The following GABRG3 variants were observed in gnomAD, a reference collection of about 807,000 sequenced individuals.
GABRG3 encodes gamma-aminobutyric acid type A receptor subunit gamma3.
GABRG3 carries 25 observed loss-of-function variants against 48.8 expected under a neutral mutation model. The ratio of observed to expected loss-of-function variants is 0.51; its 90% CI spans 0.37 to 0.72. The LOEUF (loss-of-function observed/expected upper bound fraction) is 0.72. Among genes scored for constraint, GABRG3 ranks in the 30% least tolerant of loss-of-function variants. The pLI is 0.00. For synonymous variants in GABRG3, 227 were observed against 217.6 expected (o/e 1.04, Z -0.38); for missense variants, 394 against 577.9 (o/e 0.68, Z 3.26).
At chr15:27,366,274 G>C (rs989933096) in intron 5 of GABRG3, 4 of 152,262 alleles carry the variant, frequency 2.6e-5, no homozygotes, top group Non-Finnish European at 5.9e-5. Context: ...CATGCAGCCA[G>C]CTGGGCTCCA....
intron 5 of GABRG3, among the ~76,000 whole-genome samples, chr15:27,355,779 T>C (rs984307474): frequency 6.6e-6 from 1 of 152,222 alleles, no homozygotes; most frequent in Admixed American, 6.5e-5. Context: ...CAATGAATAT[T>C]CTTCAGCCTT....
chr15:27,260,298 C>T (rs542494537), intron 3 of GABRG3, among the ~76,000 whole-genome samples: 8 of 152,160 alleles, frequency 5.3e-5, no homozygotes, highest in South Asian at 2.1e-4. Context: ...TCTATTTTTT[C>T]GAATGAGGAC....
intron 5 of GABRG3, among the ~76,000 whole-genome samples, chr15:27,438,523 C>T (rs1455043430): frequency 1.3e-5 from 2 of 152,196 alleles, no homozygotes; most frequent in Admixed American, 6.5e-5. Context: ...ACAGTCACCC[C>T]ACATCTCTGC....
At chr15:27,266,671 T>C (rs1488000603) in intron 3 of GABRG3, among the ~76,000 whole-genome samples, 1 of 152,228 alleles carries the variant, frequency 6.6e-6, no homozygotes, top group Non-Finnish European at 1.5e-5. Flanking sequence ...CACAGTCTAT[T>C]CCTCCATTTA....
chr15:27,053,572 T>C (rs1031980119), intron 3 of GABRG3, among the ~76,000 whole-genome samples: 1 of 152,184 alleles, frequency 6.6e-6, no homozygotes, highest in African/African-American at 2.4e-5. Context: ...GGAGAGCATT[T>C]TGGAGATTTC....
At chr15:27,005,093 G>C (rs1224476368) in intron 2 of GABRG3, among the ~76,000 whole-genome samples, 1 of 152,154 alleles carries the variant, frequency 6.6e-6, no homozygotes, top group Admixed American at 6.5e-5. Flanking sequence ...TGGGGGTACA[G>C]GTGGTATAAC....
chr15:27,109,445 A>T (rs1897506491), intron 3 of GABRG3, among the ~76,000 whole-genome samples: 1 of 152,158 alleles, frequency 6.6e-6, no homozygotes, highest in African/African-American at 2.4e-5. Flanking sequence ...TATCATACAG[A>T]ATAGTTTCAT....
At chr15:27,338,177 G>GA (rs1027018737) in intron 5 of GABRG3, among the ~76,000 whole-genome samples, 3 of 152,136 alleles carry the variant, frequency 2.0e-5, no homozygotes, top group African/African-American at 7.2e-5. Context: ...GGGCCAGTCT[G>GA]AAAATAAGCC....
At chr15:27,102,664 G>A (rs1897381319) in intron 3 of GABRG3, among the ~76,000 whole-genome samples, 1 of 152,126 alleles carries the variant, frequency 6.6e-6, no homozygotes, top group Non-Finnish European at 1.5e-5. Flanking sequence ...TTCACTAGGT[G>A]CTTCAGGAAT....
chr15:27,240,718 T>G (rs767238438), intron 3 of GABRG3, among the ~76,000 whole-genome samples: 14 of 152,318 alleles, frequency 9.2e-5, no homozygotes, highest in Admixed American at 3.9e-4. Flanking sequence ...GAACCCTGAC[T>G]TTAACATTTT....
intron 5 of GABRG3, among the ~76,000 whole-genome samples, chr15:27,460,887 A>G (rs145222871): frequency 6.6e-6 from 1 of 152,090 alleles, no homozygotes; most frequent in East Asian, 1.9e-4. Flanking sequence ...CAGGTTGCTT[A>G]TTTACTTCTC....
chr15:27,091,392 G>C (rs759855421), intron 3 of GABRG3, among the ~76,000 whole-genome samples: 1 of 152,264 alleles, frequency 6.6e-6, no homozygotes, highest in African/African-American at 2.4e-5. Flanking sequence ...TTGTGTTAAA[G>C]ATTTTTGCAT....
intron 3 of GABRG3, among the ~76,000 whole-genome samples, chr15:27,259,497 G>A (rs1479205100): frequency 6.6e-6 from 1 of 152,164 alleles, no homozygotes; most frequent in Non-Finnish European, 1.5e-5. Flanking sequence ...AAAGCCTTGA[G>A]AATGTGTCTA....
intron 5 of GABRG3, among the ~76,000 whole-genome samples, chr15:27,436,032 A>T (rs776402759): frequency 4.9e-4 from 75 of 152,152 alleles, no homozygotes; most frequent in Admixed American, 1.8e-3. Flanking sequence ...TTCAATATAG[A>T]TATGGGGATT....
At chr15:27,168,470 TATC>T (rs1300796893) in intron 3 of GABRG3, among the ~76,000 whole-genome samples, 1 of 152,132 alleles carries the variant, frequency 6.6e-6, no homozygotes. Context: ...AGGACTCTTG[TATC>T]ATCTGAATGT....
At chr15:27,328,456 A>T (rs1027762366) in intron 4 of GABRG3, among the ~76,000 whole-genome samples, 1 of 152,258 alleles carries the variant, frequency 6.6e-6, no homozygotes, top group Non-Finnish European at 1.5e-5. Flanking sequence ...AGATAAACAC[A>T]CCAGTTTCCA....
At chr15:27,139,381 T>A (rs1898064998) in intron 3 of GABRG3, among the ~76,000 whole-genome samples, 1 of 152,158 alleles carries the variant, frequency 6.6e-6, no homozygotes, top group Admixed American at 6.5e-5. Context: ...GAGAATTTGC[T>A]TTTCCTCTGC....
intron 5 of GABRG3, among the ~76,000 whole-genome samples, chr15:27,409,912 G>A (rs1245319372): frequency 6.6e-6 from 1 of 152,004 alleles, no homozygotes; most frequent in East Asian, 1.9e-4. Context: ...CAATCCATAT[G>A]ACTTTGATTT....
At chr15:27,532,220 A>T (rs1383255911) in intron 9 of GABRG3, among the ~76,000 whole-genome samples, 3 of 152,158 alleles carry the variant, frequency 2.0e-5, no homozygotes, top group African/African-American at 7.2e-5. Context: ...AACCTTCTTC[A>T]TTAATAATCC....
Sources: allele counts gnomAD v4.1 joint callset (sites outside exome capture counted in the v4.1 genomes callset), GRCh38; gene constraint gnomAD v4.1.1; transcripts MANE v1.5; gene names NCBI Gene and HGNC (gene_info 2026-07-23, HGNC 2026-07-21).